NTM: variants seen among roughly 807,000 people sequenced by gnomAD.
NTM encodes the protein neurotrimin, also known as IgLON family member 2.
In NTM, 13 loss-of-function variants were observed where a neutral mutation model predicts 42.1. The ratio of observed to expected loss-of-function variants is 0.31; its 90% CI spans 0.20 to 0.49. The LOEUF is 0.49. Ranked by LOEUF, NTM falls within the 20% of genes least tolerant of loss-of-function variation. The probability of loss-of-function intolerance (pLI) is 0.99; values close to 1 mark genes in which losing one functional copy is unlikely to be tolerated. For synonymous variants in NTM, 187 were observed against 179.2 expected (o/e 1.04, Z -0.35); for missense variants, 373 against 452.8 (o/e 0.82, Z 1.60).
intron 1 of NTM, among the ~76,000 whole-genome samples, chr11:131,439,581 G>A (rs766968868): frequency 5.9e-5 from 9 of 152,326 alleles, no homozygotes; most frequent in Middle Eastern, 3.4e-3. Flanking sequence ...TGCTAGCAGC[G>A]AGCAAAGCTC....
chr11:132,118,431 T>C (rs538552225), intron 2 of NTM, among the ~76,000 whole-genome samples: 9 of 152,334 alleles, frequency 5.9e-5, no homozygotes, highest in African/African-American at 1.7e-4. Flanking sequence ...CCTGTGCAGA[T>C]GGCAGAGAAT....
At chr11:131,856,179 A>G (rs1156720404) in intron 1 of NTM, among the ~76,000 whole-genome samples, 2 of 142,646 alleles carry the variant, frequency 1.4e-5, no homozygotes, top group Non-Finnish European at 3.1e-5. Flanking sequence ...CCTTTCTTTC[A>G]CTCTTTAGCA....
chr11:132,324,821 G>A (rs1459809078), intron 7 of NTM, among the ~76,000 whole-genome samples: 1 of 150,008 alleles, frequency 6.7e-6, no homozygotes, highest in Non-Finnish European at 1.5e-5. Context: ...CCAAAACAGA[G>A]ATATAGATCA....
intron 1 of NTM, among the ~76,000 whole-genome samples, chr11:131,791,218 TA>T (rs1441251006): frequency 6.6e-6 from 1 of 152,178 alleles, no homozygotes; most frequent in African/African-American, 2.4e-5. Context: ...AAGTGTATAA[TA>T]AAGTAGTAAG....
rs538099582 is a variant in NTM, at chr11:131,911,790, C to A, written c.167+142C>A. 6 of 1,026,148 alleles carry A rather than the reference C, an allele frequency of 5.8e-6. No individual in the cohort carries two copies. In the South Asian group the frequency reaches 9.0e-5, roughly 15 times the overall value. The allele number at this position is 1,026,148 out of a possible 1,614,324, so 63.6% of individuals were successfully genotyped here. A position where few individuals can be genotyped will look rare whatever the true frequency, so the allele number is the denominator to read the frequency against. On this transcript the variant is annotated intron_variant, in intron 2 of 8. Coordinates refer to ENST00000683400, the MANE Select transcript of NTM (RefSeq NM_001352005.2). The stretch of plus-strand genomic sequence containing the variant: ...CTGGGCTGCACAATTTATGGCTGCG[C>A]TGGGGGCTCTGCCCGGGAATGTGGC...
intron 4 of NTM, among the ~76,000 whole-genome samples, chr11:132,298,915 A>G (rs375367821): frequency 6.6e-6 from 1 of 152,152 alleles, no homozygotes. Context: ...CACACACGAA[A>G]TTTATAGTTG....
intron 2 of NTM, among the ~76,000 whole-genome samples, chr11:131,937,611 G>A (rs1405908309): frequency 6.6e-6 from 1 of 152,142 alleles, no homozygotes; most frequent in African/African-American, 2.4e-5. Flanking sequence ...AGTGACTTCT[G>A]GAATCATTAA....
chr11:132,248,252 G>A (rs1210379343), intron 4 of NTM, among the ~76,000 whole-genome samples: 4 of 152,118 alleles, frequency 2.6e-5, no homozygotes, highest in Admixed American at 1.3e-4. Flanking sequence ...GATAATAATA[G>A]TCTTTTTCTG....
At chr11:131,939,290 G>C (rs960584490) in intron 2 of NTM, among the ~76,000 whole-genome samples, 1 of 152,090 alleles carries the variant, frequency 6.6e-6, no homozygotes, top group African/African-American at 2.4e-5. Context: ...TGGAGACAGT[G>C]ACCGATTTTG....
chr11:131,442,830 T>TAC (rs1342265176), intron 1 of NTM, among the ~76,000 whole-genome samples: 2 of 151,888 alleles, frequency 1.3e-5, no homozygotes, highest in Non-Finnish European at 2.9e-5. Context: ...TATATATATA[T>TAC]ACACACACAG....
chr11:132,084,814 T>G (rs2059503780), intron 2 of NTM, among the ~76,000 whole-genome samples: 1 of 152,160 alleles, frequency 6.6e-6, no homozygotes, highest in African/African-American at 2.4e-5. Flanking sequence ...ATGAAAATCT[T>G]GTACCAGGGA....
intron 1 of NTM, among the ~76,000 whole-genome samples, chr11:131,779,022 G>C (rs191474621): frequency 1.8e-4 from 27 of 152,322 alleles, no homozygotes; most frequent in African/African-American, 5.5e-4. Context: ...AAATCCTTCT[G>C]TCCTGGAAGG....
intron 1 of NTM, among the ~76,000 whole-genome samples, chr11:131,816,203 G>A (rs2092944627): frequency 6.6e-6 from 1 of 152,158 alleles, no homozygotes; most frequent in Non-Finnish European, 1.5e-5. Flanking sequence ...GTGAATCCAT[G>A]GAGGGAAACC....
chr11:131,792,997 C>T (rs2091139661), intron 1 of NTM, among the ~76,000 whole-genome samples: 1 of 152,174 alleles, frequency 6.6e-6, no homozygotes, highest in African/African-American at 2.4e-5. Flanking sequence ...TAGGGAAATG[C>T]ACATATGGAA....
chr11:131,498,573 T>C (rs1373128205), intron 1 of NTM, among the ~76,000 whole-genome samples: 1 of 152,054 alleles, frequency 6.6e-6, no homozygotes, highest in Non-Finnish European at 1.5e-5. Context: ...CAGAGCAAGT[T>C]ATTGCCCATT....
chr11:132,314,835 A>AAG (rs966350276), intron 7 of NTM, 132 bp downstream of exon 7: 11 of 1,400,978 alleles, frequency 7.9e-6, no homozygotes, highest in South Asian at 3.5e-5. Context: ...GAGGAAAAAA[A>AAG]AGAGAGAGAC....
intron 2 of NTM, among the ~76,000 whole-genome samples, chr11:131,992,109 C>T (rs890696097): frequency 6.6e-6 from 1 of 152,072 alleles, no homozygotes; most frequent in Non-Finnish European, 1.5e-5. Flanking sequence ...CCTCTGTCAC[C>T]CTGAGACAGC....
chr11:131,559,239 G>A (rs756724473), intron 1 of NTM, among the ~76,000 whole-genome samples: 1 of 152,178 alleles, frequency 6.6e-6, no homozygotes. Context: ...CCAAGGCCTG[G>A]TCTAAAACTC....
intron 1 of NTM, among the ~76,000 whole-genome samples, chr11:131,701,829 G>A (rs561732050): frequency 2.0e-5 from 3 of 152,300 alleles, no homozygotes; most frequent in African/African-American, 7.2e-5. Context: ...GGAAATAGGG[G>A]TGGAGGGGTA....
Sources: allele counts gnomAD v4.1 joint callset (sites outside exome capture counted in the v4.1 genomes callset), GRCh38; gene constraint gnomAD v4.1.1; transcripts MANE v1.5; gene names NCBI Gene and HGNC (gene_info 2026-07-23, HGNC 2026-07-21).